OCRL: variants seen among roughly 807,000 people sequenced by gnomAD.
OCRL encodes the protein inositol polyphosphate 5-phosphatase OCRL.
Under a neutral mutation model 78.9 loss-of-function variants are expected in OCRL, and 8 were observed. The observed-to-expected ratio is 0.10, with a 90% confidence interval of 0.06 to 0.18. OCRL has a LOEUF of 0.18. Ranked by LOEUF, OCRL falls within the 10% of genes least tolerant of loss-of-function variation. OCRL has a pLI of 1.00. For missense variants in OCRL, 454 were observed against 696.7 expected (o/e 0.65, Z 3.92); for synonymous variants, 240 against 235.4 (o/e 1.02, Z -0.18).
chrX:129,570,881 G>C (rs1460380696), intron 15 of OCRL, among the ~76,000 whole-genome samples: 1 of 112,598 alleles, frequency 8.9e-6, no homozygotes, highest in Non-Finnish European at 1.9e-5. Context: ...CCACGTATAA[G>C]GAGGGCCAAC....
chrX:129,580,965 A>G (rs1437711946), intron 18 of OCRL, among the ~76,000 whole-genome samples: 2 of 111,895 alleles, frequency 1.8e-5, no homozygotes, highest in Non-Finnish European at 3.8e-5. Context: ...TCCCAGTTCA[A>G]GTGACTCTCC....
chrX:129,567,422 T>C, intron 14 of OCRL, 59 bp downstream of exon 14: 1 of 853,668 alleles, frequency 1.2e-6, no homozygotes. Flanking sequence ...TTTCTGACCC[T>C]CCATATTGGT....
intron 8 of OCRL, among the ~76,000 whole-genome samples, chrX:129,559,281 C>T (rs1936111491): frequency 9.0e-6 from 1 of 111,182 alleles, no homozygotes; most frequent in African/African-American, 3.3e-5. Flanking sequence ...TTACTGTAGC[C>T]TCAACCTCTC....
intron 15 of OCRL, among the ~76,000 whole-genome samples, chrX:129,570,877 A>T (rs1936290667): frequency 8.9e-6 from 1 of 112,760 alleles, no homozygotes; most frequent in African/African-American, 3.2e-5. Context: ...AAACCCACGT[A>T]TAAGGAGGGC....
intron 1 of OCRL, 88 bp from the exon 2 acceptor site, chrX:129,540,656 G>GT (rs1463437993): frequency 1.2e-5 from 9 of 769,344 alleles, no homozygotes; most frequent in Admixed American, 1.0e-4. Context: ...GGCGGCGGTG[G>GT]GGGGGGGGTG....
At chrX:129,546,971 C>A (rs1387707175) in intron 3 of OCRL, among the ~76,000 whole-genome samples, 3 of 111,492 alleles carry the variant, frequency 2.7e-5, no homozygotes, top group African/African-American at 9.8e-5. Flanking sequence ...GTAATCCCAA[C>A]ATTTTGGGAA....
intron 14 of OCRL, among the ~76,000 whole-genome samples, chrX:129,568,007 G>A (rs1441917297): frequency 4.7e-5 from 5 of 105,809 alleles, no homozygotes; most frequent in South Asian, 4.5e-4. Flanking sequence ...TCCGCTTCCC[G>A]GGTTCACGCC....
At chrX:129,551,084 A>G (rs1935954591) in intron 4 of OCRL, among the ~76,000 whole-genome samples, 1 of 111,505 alleles carries the variant, frequency 9.0e-6, no homozygotes, top group South Asian at 3.8e-4. Context: ...GGTACACTGT[A>G]TTGTACTAAT....
intron 6 of OCRL, 130 bp from the exon 7 acceptor site, chrX:129,558,503 C>A: frequency 1.3e-6 from 1 of 772,730 alleles, no homozygotes; most frequent in Non-Finnish European, 1.9e-6. Flanking sequence ...CAAGTAATTT[C>A]TACCCTTATG....
chrX:129,578,618 T>A (rs1936402539), intron 18 of OCRL, among the ~76,000 whole-genome samples: 1 of 110,904 alleles, frequency 9.0e-6, no homozygotes, highest in South Asian at 3.8e-4. Context: ...TTTTTCATAT[T>A]CTGGGATTGG....
intron 18 of OCRL, among the ~76,000 whole-genome samples, chrX:129,581,195 A>G (rs1013731818): frequency 8.9e-6 from 1 of 112,040 alleles, no homozygotes; most frequent in African/African-American, 3.2e-5. Context: ...TGCATCTTCC[A>G]CCTCTAATTG....
At chrX:129,586,692 C>T in intron 19 of OCRL, 1 of 392,648 alleles carries the variant, frequency 2.5e-6, no homozygotes, top group Non-Finnish European at 4.8e-6. Flanking sequence ...GTGACTGTAT[C>T]ACCGGAGCAC....
chrX:129,568,075 G>A lies in OCRL; in HGVS notation c.1466+712G>A, dbSNP rs574780338. On this transcript the variant is annotated intron_variant, in intron 14 of 23. Transcript: ENST00000371113. ...ACTACAGGCGCCCGCCACCACGCCC[G>A]GCTAATTTTTTGTATTTTTTTTAGT... Among the ~76,000 whole-genome samples the A allele has an allele frequency of 5.5e-4, 60 of 109,881 alleles. No homozygotes were observed. The South Asian group carries it at 0.013, about 23-fold the overall frequency.
chrX:129,581,593 G>T lies in OCRL; in HGVS notation c.2116-2751G>T, dbSNP rs183036468. Among the ~76,000 whole-genome samples the T allele has an allele frequency of 9.4e-4, 102 of 109,053 alleles. No individual in the cohort carries two copies. In the Middle Eastern group the frequency reaches 0.019, roughly 20 times the overall value. 94.7% of individuals were successfully genotyped at this position (109,053 alleles called of 115,157 possible). A position where few individuals can be genotyped will look rare whatever the true frequency, so the allele number is the denominator to read the frequency against. On this transcript the variant is annotated intron_variant, in intron 18 of 23. Coordinates refer to ENST00000371113, the MANE Select transcript of OCRL (RefSeq NM_000276.4). ...GTCCCTCCATCAGTATTTAATCAAA[G>T]TCCTTTTGATTCTTCTTTCAGAATT...
At chrX:129,587,506 T>C (rs2124428630) in intron 20 of OCRL, among the ~76,000 whole-genome samples, 1 of 111,040 alleles carries the variant, frequency 9.0e-6, no homozygotes, top group East Asian at 2.8e-4. Flanking sequence ...TTTAACTTGG[T>C]CCTAATTTTT....
At chrX:129,567,144 A>G in intron 13 of OCRL, 110 bp from the exon 14 acceptor site, 1 of 546,989 alleles carries the variant, frequency 1.8e-6, no homozygotes, top group Non-Finnish European at 3.2e-6. Context: ...ACAGTTGTAA[A>G]GGTTGTGGAA....
intron 16 of OCRL, 190 bp from the exon 17 acceptor site, chrX:129,575,707 C>T (rs1936359633): frequency 4.1e-6 from 2 of 485,106 alleles, no homozygotes; most frequent in African/African-American, 2.4e-5. Flanking sequence ...CACCTAACTC[C>T]TTCTCTGCTG....
intron 18 of OCRL, among the ~76,000 whole-genome samples, chrX:129,581,468 G>T (rs758634965): frequency 9.0e-6 from 1 of 110,843 alleles, no homozygotes; most frequent in Admixed American, 9.6e-5. Flanking sequence ...ACTAATAAAG[G>T]TTAAGTGATG....
chrX:129,574,012 T>C (rs1936336864), intron 15 of OCRL, among the ~76,000 whole-genome samples: 1 of 112,431 alleles, frequency 8.9e-6, no homozygotes, highest in Admixed American at 9.4e-5. Context: ...TGCATGTGTC[T>C]TTATAGTAGA....
Sources: allele counts gnomAD v4.1 joint callset (sites outside exome capture counted in the v4.1 genomes callset), GRCh38; gene constraint gnomAD v4.1.1; transcripts MANE v1.5; gene names NCBI Gene and HGNC (gene_info 2026-07-23, HGNC 2026-07-21).